The following CPNE4 variants were observed in gnomAD, a reference collection of about 807,000 sequenced individuals.
CPNE4 encodes the protein copine-4.
In CPNE4, 25 loss-of-function variants were observed where a neutral mutation model predicts 67.9. The ratio of observed to expected loss-of-function variants is 0.37; its 90% CI spans 0.27 to 0.51. The LOEUF (loss-of-function observed/expected upper bound fraction) is 0.51, where lower values mean the gene tolerates loss of function less well. CPNE4 is among the 20% of genes least tolerant of loss of function. CPNE4 has a pLI of 0.93. For missense variants in CPNE4, 464 were observed against 690.8 expected, an observed-to-expected ratio of 0.67 and a Z score of 3.68; for synonymous variants, 242 against 244.9, an observed-to-expected ratio of 0.99 and a Z score of 0.11.
At chr3:131,831,908 T>A (rs548485057) in intron 2 of CPNE4, among the ~76,000 whole-genome samples, 12 of 152,326 alleles carry the variant, frequency 7.9e-5, no homozygotes, top group African/African-American at 2.6e-4. Flanking sequence ...ATAGTGCCGA[T>A]TTTGCTGATA....
At chr3:131,638,031 G>A in intron 7 of CPNE4, among the ~76,000 whole-genome samples, 1 of 151,782 alleles carries the variant, frequency 6.6e-6, no homozygotes, top group African/African-American at 2.4e-5. Flanking sequence ...AACTACAAAG[G>A]GAGTTCTAAA....
rs529820913 is a variant in CPNE4 at position 131,850,840 on chromosome 3, A to T, written c.180+54424T>A. Among the ~76,000 whole-genome samples the T allele has an allele frequency of 1.2e-4, 19 of 152,224 alleles. 1 individual carries two copies. The South Asian group carries it at 3.7e-3, about 30-fold the overall frequency. Reference sequence around the variant, plus strand: ...GTGGTTAACCAGATCCAAATCATACATCTAGTAAGTAACAGAGTGGGAATT... The same window carrying T: ...GTGGTTAACCAGATCCAAATCATACTTCTAGTAAGTAACAGAGTGGGAATT... On this transcript the variant is annotated intron_variant, in intron 2 of 15. Coordinates refer to ENST00000429747, the MANE Select transcript of CPNE4 (RefSeq NM_130808.3).
At chr3:131,842,778 G>T (rs958611027) in intron 2 of CPNE4, among the ~76,000 whole-genome samples, 1 of 147,574 alleles carries the variant, frequency 6.8e-6, no homozygotes, top group East Asian at 2.0e-4. Flanking sequence ...CACATCTGAA[G>T]TGCTGAATTG....
At chr3:131,758,907 C>T (rs1273479650) in intron 2 of CPNE4, among the ~76,000 whole-genome samples, 2 of 152,080 alleles carry the variant, frequency 1.3e-5, no homozygotes, top group Non-Finnish European at 2.9e-5. Context: ...TTTTGCCTCC[C>T]ACCATGATTC....
At chr3:132,016,498 T>C (rs951562310) in intron 1 of CPNE4, among the ~76,000 whole-genome samples, 5 of 152,106 alleles carry the variant, frequency 3.3e-5, no homozygotes, top group Admixed American at 1.3e-4. Flanking sequence ...TGAAGAGAAA[T>C]GGCATTTGGG....
chr3:131,847,048 T>G (rs556770354), intron 2 of CPNE4, among the ~76,000 whole-genome samples: 2 of 152,318 alleles, frequency 1.3e-5, no homozygotes, highest in South Asian at 4.1e-4. Flanking sequence ...TTATAGCATC[T>G]GCCCCATCTC....
At chr3:131,859,317 C>A (rs912042823) in intron 2 of CPNE4, among the ~76,000 whole-genome samples, 1 of 152,232 alleles carries the variant, frequency 6.6e-6, no homozygotes, top group East Asian at 1.9e-4. Flanking sequence ...CCTGGCTGGG[C>A]TCCTTATCTT....
chr3:131,734,317 C>T (rs1025664354), intron 2 of CPNE4, among the ~76,000 whole-genome samples: 71 of 152,062 alleles, frequency 4.7e-4, no homozygotes, highest in African/African-American at 1.6e-3. Flanking sequence ...TTCTTGATAG[C>T]GGTAACCTTG....
At chr3:131,788,069 G>C (rs1275617067) in intron 2 of CPNE4, among the ~76,000 whole-genome samples, 3 of 151,954 alleles carry the variant, frequency 2.0e-5, no homozygotes, top group African/African-American at 7.2e-5. Context: ...AGAAAACATA[G>C]GTAAATATGA....
chr3:131,980,928 T>G (rs569903725), intron 1 of CPNE4, among the ~76,000 whole-genome samples: 279 of 152,278 alleles, frequency 1.8e-3, no homozygotes, highest in Non-Finnish European at 3.0e-3. Context: ...GGATGCGGCT[T>G]CCTGTGAGCC....
At chr3:131,772,169 G>A (rs556249452) in intron 2 of CPNE4, among the ~76,000 whole-genome samples, 1 of 152,172 alleles carries the variant, frequency 6.6e-6, no homozygotes, top group East Asian at 1.9e-4. Context: ...AGGCTTGGCT[G>A]CACCATCTTC....
rs10584915 is a variant in CPNE4, at chr3:132,024,082, A to AT, written c.-2+10484dup. Among the ~76,000 whole-genome samples, 724 of 134,032 alleles carry AT rather than the reference A, an allele frequency of 5.4e-3. 17 individuals carry two copies. The highest frequency in any genetic ancestry group is 0.027 in the Admixed American group (363 of 13,686). 87.9% of individuals were successfully genotyped at this position (134,032 alleles called of 152,430 possible). On this transcript the variant is annotated intron_variant, in intron 1 of 15. Transcript: ENST00000429747. ...CAAAAGCTCTTTGGGGTCTTCAGTA[A>AT]TTTTTTTTTTTTTTTTTTTGAGACA...
chr3:132,036,850 A>G (rs1188017108), upstream of CPNE4, among the ~76,000 whole-genome samples: 1 of 152,202 alleles, frequency 6.6e-6, no homozygotes, highest in Non-Finnish European at 1.5e-5. Context: ...CAGGTGAGAG[A>G]AAAGGAATTA....
At chr3:132,015,181 A>G (rs1055932247) in intron 1 of CPNE4, among the ~76,000 whole-genome samples, 1 of 152,052 alleles carries the variant, frequency 6.6e-6, no homozygotes, top group Non-Finnish European at 1.5e-5. Flanking sequence ...TTTGGCTCAA[A>G]TTATTGCACA....
At chr3:131,943,114 C>T (rs1204509891) in intron 1 of CPNE4, among the ~76,000 whole-genome samples, 2 of 152,070 alleles carry the variant, frequency 1.3e-5, no homozygotes, top group Non-Finnish European at 2.9e-5. Context: ...TTTGTAACAC[C>T]CACGGAGGGC....
intron 10 of CPNE4, among the ~76,000 whole-genome samples, chr3:131,572,741 A>T (rs1311611098): frequency 1.3e-5 from 2 of 152,086 alleles, no homozygotes; most frequent in Non-Finnish European, 2.9e-5. Flanking sequence ...GCCAAGGGTC[A>T]CATAATGTGC....
rs1240093623 is a variant in CPNE4, at chr3:131,820,880, GTTTT to G, written c.180+84380_180+84383del. On this transcript the variant is annotated intron_variant, in intron 2 of 15. Transcript: ENST00000429747. ...GGGTGAAGAATGCTATATTGGACAG[GTTTT>G]AAATGATACTTCTTGCCACACCATT... Among the ~76,000 whole-genome samples the G allele has an allele frequency of 9.6e-4, 146 of 152,264 alleles. 1 individual carries two copies. The highest frequency in any genetic ancestry group is 6.8e-3 in the Middle Eastern group (2 of 294).
intron 11 of CPNE4, among the ~76,000 whole-genome samples, chr3:131,563,613 A>T (rs544382987): frequency 1.3e-5 from 2 of 152,114 alleles, no homozygotes; most frequent in East Asian, 3.9e-4. Flanking sequence ...CATGTGCCAC[A>T]CCCTCTGCTG....
rs191357674 is a variant in CPNE4 at position 131,925,221 on chromosome 3, C to T, written c.-1-19777G>A. Reference sequence around the variant, plus strand: ...CTTTTGCTTTGGATGCCCTTCTCTTCCCCCTTGCACTCTACACACACACAA... The same window carrying T: ...CTTTTGCTTTGGATGCCCTTCTCTTTCCCCTTGCACTCTACACACACACAA... On this transcript the variant is annotated intron_variant, in intron 1 of 15. Coordinates refer to ENST00000429747, the MANE Select transcript of CPNE4 (RefSeq NM_130808.3). Among the ~76,000 whole-genome samples the T allele has an allele frequency of 9.6e-3, 1,453 of 151,498 alleles. 17 individuals are homozygous for T. Among genetic ancestry groups the T allele is most frequent in the Middle Eastern group, 0.044 (13 of 294 alleles).
Sources: gnomAD v4.1 joint callset for allele counts (sites outside exome capture counted in the v4.1 genomes callset) on GRCh38, gnomAD v4.1.1 for gene constraint, MANE v1.5 for transcripts, NCBI Gene and HGNC (gene_info 2026-07-23, HGNC 2026-07-21) for gene names.